BNC2: variants seen among roughly 807,000 people sequenced by gnomAD.
BNC2 encodes basonuclin zinc finger protein 2.
In BNC2, 20 loss-of-function variants were observed where a neutral mutation model predicts 76.3. The observed-to-expected ratio is 0.26, with a 90% CI of 0.18 to 0.38. The LOEUF (loss-of-function observed/expected upper bound fraction) is 0.38. BNC2 is among the 10% of genes least tolerant of loss of function. The pLI is 1.00. For synonymous variants in BNC2, 582 were observed against 514.8 expected (o/e 1.13, Z -1.77); for missense variants, 1,382 against 1,399.8 (o/e 0.99, Z 0.20).
intron 1 of BNC2, among the ~76,000 whole-genome samples, chr9:16,759,896 T>C (rs1385258066): frequency 6.6e-6 from 1 of 152,114 alleles, no homozygotes; most frequent in African/African-American, 2.4e-5. Context: ...GCTAATTTTT[T>C]GTATTTTCAG....
intron 6 of BNC2, among the ~76,000 whole-genome samples, chr9:16,422,930 T>A (rs933123647): frequency 4.6e-5 from 7 of 152,198 alleles, no homozygotes; most frequent in African/African-American, 1.7e-4. Flanking sequence ...TGAGGACTAT[T>A]ACAAGTTTAT....
At chr9:16,751,470 C>G (rs932681405) in intron 1 of BNC2, among the ~76,000 whole-genome samples, 3 of 151,782 alleles carry the variant, frequency 2.0e-5, no homozygotes, top group East Asian at 3.9e-4. Flanking sequence ...AGAAATCTCC[C>G]TATCTCTCGA....
chr9:16,532,110 G>C (rs1009716172), intron 5 of BNC2, among the ~76,000 whole-genome samples: 3 of 151,038 alleles, frequency 2.0e-5, no homozygotes, highest in East Asian at 3.9e-4. Context: ...ATCCTGTTGA[G>C]TAAAACTATT....
chr9:16,516,758 G>C (rs917951796), intron 5 of BNC2, among the ~76,000 whole-genome samples: 25 of 152,124 alleles, frequency 1.6e-4, no homozygotes, highest in African/African-American at 5.8e-4. Context: ...TAATAAAAAA[G>C]TGAATAAAAA....
At chr9:16,623,120 C>A (rs957214819) in intron 3 of BNC2, among the ~76,000 whole-genome samples, 2 of 152,114 alleles carry the variant, frequency 1.3e-5, no homozygotes, top group Non-Finnish European at 2.9e-5. Flanking sequence ...GCCACACATC[C>A]TGGCTCACTG....
chr9:16,449,077 A>G (rs1199936271), intron 5 of BNC2, among the ~76,000 whole-genome samples: 1 of 152,236 alleles, frequency 6.6e-6, no homozygotes, highest in African/African-American at 2.4e-5. Flanking sequence ...TAAACAATCA[A>G]TATATGTTAC....
chr9:16,597,578 T>TA (rs917775770), intron 3 of BNC2, among the ~76,000 whole-genome samples: 86 of 152,232 alleles, frequency 5.6e-4, no homozygotes, highest in Admixed American at 1.5e-3. Context: ...GAAATGTTTT[T>TA]AAAAAATTAT....
chr9:16,856,869 A>T (rs7031867), intron 1 of BNC2, among the ~76,000 whole-genome samples: 18,770 of 152,156 alleles, frequency 0.12, 1,508 homozygotes, highest in South Asian at 0.27. Context: ...AGATGGTGAA[A>T]TGTGTATTAC....
chr9:16,641,596 A>G (rs1310264146), intron 3 of BNC2, among the ~76,000 whole-genome samples: 1 of 152,238 alleles, frequency 6.6e-6, no homozygotes, highest in Non-Finnish European at 1.5e-5. Flanking sequence ...AGATTAATAA[A>G]GTATTCGGAT....
At chr9:16,792,019 T>C (rs1586887508) in intron 1 of BNC2, among the ~76,000 whole-genome samples, 1 of 151,712 alleles carries the variant, frequency 6.6e-6, no homozygotes, top group Non-Finnish European at 1.5e-5. Flanking sequence ...GAGGGATCCC[T>C]TTAGCCCAGG....
At chr9:16,572,488 C>T (rs368709591) in intron 4 of BNC2, among the ~76,000 whole-genome samples, 1 of 152,238 alleles carries the variant, frequency 6.6e-6, no homozygotes, top group South Asian at 2.1e-4. Flanking sequence ...ACCTTTGTTC[C>T]ATGCACCACA....
chr9:16,800,319 T>G (rs904317744), intron 1 of BNC2, among the ~76,000 whole-genome samples: 72 of 152,090 alleles, frequency 4.7e-4, no homozygotes, highest in Non-Finnish European at 5.4e-4. Flanking sequence ...AAATTACACT[T>G]CTAGAAGAAA....
At chr9:16,773,102 A>G (rs1046307637) in intron 1 of BNC2, among the ~76,000 whole-genome samples, 2 of 152,084 alleles carry the variant, frequency 1.3e-5, no homozygotes, top group African/African-American at 4.8e-5. Context: ...GCATTGACCA[A>G]TTCTGTCCTG....
chr9:16,834,995 G>A (rs982536693), intron 1 of BNC2, among the ~76,000 whole-genome samples: 2 of 152,066 alleles, frequency 1.3e-5, no homozygotes, highest in Non-Finnish European at 2.9e-5. Context: ...GGATATCCAC[G>A]GGTACTTAAG....
chr9:16,597,955 G>C (rs1820138889), intron 3 of BNC2, among the ~76,000 whole-genome samples: 1 of 152,098 alleles, frequency 6.6e-6, no homozygotes, highest in South Asian at 2.1e-4. Flanking sequence ...ATTAAGGACT[G>C]CAAATCAGTA....
chr9:16,464,050 T>G (rs1465021120), intron 5 of BNC2, among the ~76,000 whole-genome samples: 2 of 130,668 alleles, frequency 1.5e-5, no homozygotes, highest in South Asian at 4.6e-4. Flanking sequence ...GCCAAGATTG[T>G]GCTACCGAAC....
chr9:16,521,588 C>T (rs544845193), intron 5 of BNC2, among the ~76,000 whole-genome samples: 7 of 152,196 alleles, frequency 4.6e-5, no homozygotes, highest in African/African-American at 7.2e-5. Flanking sequence ...AGGGAGGGGA[C>T]GGGAATTAAA....
chr9:16,575,308 A>G (rs1819451819), intron 4 of BNC2: 6 of 985,372 alleles, frequency 6.1e-6, no homozygotes, highest in Non-Finnish European at 7.2e-6. Context: ...TTTCATTCTC[A>G]ACACCCTCCC....
chr9:16,523,483 A>C (rs7022444), intron 5 of BNC2, among the ~76,000 whole-genome samples: 3,277 of 134,204 alleles, frequency 0.024, 86 homozygotes, highest in African/African-American at 0.081. Flanking sequence ...AACAAAAAAA[A>C]AAAACAAAAC....
Sources: allele counts gnomAD v4.1 joint callset (sites outside exome capture counted in the v4.1 genomes callset), GRCh38; gene constraint gnomAD v4.1.1; transcripts MANE v1.5; gene names NCBI Gene and HGNC (gene_info 2026-07-23, HGNC 2026-07-21).